The following PTPRD variants were observed in gnomAD, a reference collection of about 807,000 sequenced individuals.
PTPRD encodes receptor-type tyrosine-protein phosphatase delta.
Under a neutral mutation model 214.5 loss-of-function variants are expected in PTPRD, and 34 were observed. The observed-to-expected ratio is 0.16, with a 90% CI of 0.12 to 0.21. The LOEUF is 0.21. Among genes scored for constraint, PTPRD ranks in the 10% least tolerant of loss-of-function variants. The pLI is 1.00. For synonymous variants in PTPRD, 1,128 were observed against 845.7 expected, an observed-to-expected ratio of 1.33 and a Z score of -5.79; for missense variants, 2,545 against 2,398.7, an observed-to-expected ratio of 1.06 and a Z score of -1.27.
In PTPRD at chr9:8,436,683, G is replaced by A. The variant is rs780464192; in HGVS notation, c.3995C>T (p.Ala1332Val). Residue 1332 changes from alanine (A) to valine (V), a missense_variant, in exon 35 of 46, where the codon GCT becomes GTT. Ala to Val is a moderately conservative substitution (Grantham distance 64, BLOSUM62 0). Transcript: ENST00000381196. ...RRLNFQTPGM[A>V]SHPPIPILEL... ...CAAGATGGGTATTGGAGGATGGCTA[G>A]CCATACCTATTGAAAAAAGCAAAGA... 11 of 1,611,412 alleles carry A rather than the reference G, an allele frequency of 6.8e-6. No homozygotes were observed. Among genetic ancestry groups the A allele is most frequent in the South Asian group, 1.1e-5 (1 of 90,764 alleles).
intron 11 of PTPRD, among the ~76,000 whole-genome samples, chr9:8,874,611 C>A (rs10759012): frequency 0.26 from 39,736 of 152,038 alleles, 6,142 homozygotes; most frequent in Non-Finnish European, 0.34. Context: ...CCTAATGACT[C>A]TTATCTCTTC....
intron 11 of PTPRD, among the ~76,000 whole-genome samples, chr9:8,825,595 T>C (rs1218048049): frequency 6.6e-6 from 1 of 152,170 alleles, no homozygotes; most frequent in Non-Finnish European, 1.5e-5. Context: ...AAGAGAGGGT[T>C]CTTGGATTTT....
intron 3 of PTPRD, among the ~76,000 whole-genome samples, chr9:10,068,555 G>A (rs936827041): frequency 4.0e-5 from 6 of 151,714 alleles, no homozygotes; most frequent in African/African-American, 9.7e-5. Context: ...TTGAAGATGC[G>A]AGGTATACAA....
At chr9:8,852,066 A>T (rs1349355835) in intron 11 of PTPRD, among the ~76,000 whole-genome samples, 1 of 152,186 alleles carries the variant, frequency 6.6e-6, no homozygotes. Context: ...GGTTTAAAAA[A>T]AAAAAGATGT....
intron 9 of PTPRD, among the ~76,000 whole-genome samples, chr9:9,377,973 G>T (rs1444365139): frequency 6.6e-6 from 1 of 151,918 alleles, no homozygotes; most frequent in Admixed American, 6.6e-5. Context: ...AAAGTACAGA[G>T]ATTTCACATA....
At chr9:9,852,945 G>T (rs1396386266) in intron 5 of PTPRD, among the ~76,000 whole-genome samples, 1 of 152,108 alleles carries the variant, frequency 6.6e-6, no homozygotes, top group Non-Finnish European at 1.5e-5. Flanking sequence ...ATATCTAATG[G>T]TGTTCCACAA....
intron 11 of PTPRD, among the ~76,000 whole-genome samples, chr9:8,742,219 TTTG>T (rs1429004889): frequency 1.3e-5 from 2 of 152,176 alleles, no homozygotes; most frequent in African/African-American, 2.4e-5. Context: ...TAATGTATGA[TTTG>T]TTGTTTTATT....
intron 3 of PTPRD, among the ~76,000 whole-genome samples, chr9:10,141,326 C>T (rs200816571): frequency 2.2e-4 from 33 of 152,056 alleles, no homozygotes; most frequent in Middle Eastern, 3.4e-3. Context: ...TTTTTGCAGA[C>T]GACATGATTG....
intron 11 of PTPRD, among the ~76,000 whole-genome samples, chr9:8,901,197 G>T (rs1043807031): frequency 6.6e-6 from 1 of 152,258 alleles, no homozygotes; most frequent in South Asian, 2.1e-4. Context: ...ATATCCTGCA[G>T]TGTATACCAC....
chr9:8,345,028 T>A lies in PTPRD; in HGVS notation c.4662-3050A>T, dbSNP rs111535525. Among the ~76,000 whole-genome samples, 452 of 152,066 alleles carry A rather than the reference T, an allele frequency of 3.0e-3. 1 individual carries two copies. Among genetic ancestry groups the A allele is most frequent in the African/African-American group, 9.5e-3 (396 of 41,548 alleles). ...AATGCTGGGAAAATTATGACAGAAT[T>A]ACTTTAGAAACATTTGAGATTTGGC... is the stretch of plus-strand genomic sequence containing the variant. On this transcript the variant is annotated intron_variant, in intron 39 of 45. Coordinates refer to ENST00000381196, the MANE Select transcript of PTPRD (RefSeq NM_002839.4).
At chr9:8,920,477 C>T (rs1055077583) in intron 11 of PTPRD, among the ~76,000 whole-genome samples, 2 of 152,138 alleles carry the variant, frequency 1.3e-5, no homozygotes, top group African/African-American at 4.8e-5. Context: ...CCAGCCCTTC[C>T]TCTAAGCCAG....
intron 21 of PTPRD, among the ~76,000 whole-genome samples, chr9:8,515,487 A>G (rs1174190318): frequency 6.6e-6 from 1 of 152,182 alleles, no homozygotes; most frequent in Non-Finnish European, 1.5e-5. Context: ...AGTACCTCAG[A>G]GCATAACCTT....
intron 11 of PTPRD, among the ~76,000 whole-genome samples, chr9:8,879,112 T>A (rs2098420230): frequency 1.3e-5 from 2 of 152,196 alleles, no homozygotes; most frequent in African/African-American, 2.4e-5. Flanking sequence ...TACACCTTTC[T>A]GTATTCCAGA....
rs184805978 is a variant in PTPRD, at chr9:10,128,700, C to T, written c.-544-94910G>A. On this transcript the variant is annotated intron_variant, in intron 3 of 45. Coordinates refer to ENST00000381196, the MANE Select transcript of PTPRD (RefSeq NM_002839.4). ...CATTTCAATGCCTGTTTTCTCTCTG[C>T]GATACCGTCTTTAGGGACTCCCTCA... 7.0e-4 allele frequency among the ~76,000 whole-genome samples: 107 copies of T among 152,236 alleles called. 1 individual carries two copies. Among genetic ancestry groups the T allele is most frequent in the Non-Finnish European group, 1.4e-3 (93 of 68,016 alleles).
chr9:9,723,406 C>T (rs2098005458), intron 7 of PTPRD, among the ~76,000 whole-genome samples: 1 of 152,076 alleles, frequency 6.6e-6, no homozygotes. Flanking sequence ...ATGCTTGTAA[C>T]AATGCCATAC....
intron 39 of PTPRD, among the ~76,000 whole-genome samples, chr9:8,346,920 C>A (rs532832685): frequency 1.3e-5 from 2 of 152,180 alleles, no homozygotes; most frequent in Non-Finnish European, 2.9e-5. Context: ...CCTCAAACTG[C>A]AAAAGCTACG....
rs5896262 is a variant in PTPRD, at chr9:8,832,410, C to CTTTTTTTTTTTTTT, written c.-103-98478_-103-98465dup. Among the ~76,000 whole-genome samples, 2 of 127,970 alleles carry CTTTTTTTTTTTTTT rather than the reference C, an allele frequency of 1.6e-5. 1 individual carries two copies. The allele number at this position is 127,970 out of a possible 152,430, so 84.0% of individuals were successfully genotyped here. On this transcript the variant is annotated intron_variant, in intron 11 of 45. Transcript: ENST00000381196. ...TAAAGCAAGGGGCAGCTAAAATCAT[C>CTTTTTTTTTTTTTT]TTTTTTTTTTTTTTTTTTTGTCAAA... is the stretch of plus-strand genomic sequence containing the variant.
intron 4 of PTPRD, among the ~76,000 whole-genome samples, chr9:9,982,475 GGTGTGT>G (rs201055413): frequency 2.1e-3 from 99 of 46,798 alleles, no homozygotes; most frequent in African/African-American, 4.3e-3. Flanking sequence ...TGGTGGTGGT[GGTGTGT>G]GTGTGTGTGT....
chr9:9,648,943 G>C (rs1055274548), intron 7 of PTPRD, among the ~76,000 whole-genome samples: 4 of 152,082 alleles, frequency 2.6e-5, no homozygotes, highest in African/African-American at 9.7e-5. Context: ...GCCAGCAGCA[G>C]AAAAACCGGC....
Sources: allele counts gnomAD v4.1 joint callset (sites outside exome capture counted in the v4.1 genomes callset), GRCh38; gene constraint gnomAD v4.1.1; transcripts MANE v1.5; gene names NCBI Gene and HGNC (gene_info 2026-07-23, HGNC 2026-07-21).